Variants in YAP1 observed in about 807,000 individuals in gnomAD.
YAP1 encodes the protein transcriptional coactivator YAP1.
In YAP1, 5 loss-of-function variants were observed where a neutral mutation model predicts 56.9. That is an observed-to-expected ratio of 0.09 (90% confidence interval 0.05 to 0.18). YAP1 has a LOEUF of 0.18. Ranked by LOEUF, YAP1 falls within the 10% of genes least tolerant of loss-of-function variation. The probability of loss-of-function intolerance (pLI) is 1.00; values close to 1 mark genes in which losing one functional copy is unlikely to be tolerated. For synonymous variants in YAP1, 265 were observed against 248.1 expected (o/e 1.07, Z -0.64); for missense variants, 539 against 651.8 (o/e 0.83, Z 1.88).
intron 6 of YAP1, among the ~76,000 whole-genome samples, chr11:102,219,099 C>T (rs1949796141): frequency 6.6e-6 from 1 of 152,114 alleles, no homozygotes; most frequent in African/African-American, 2.4e-5. Context: ...AGGAGCATAC[C>T]TTCTTTGATA....
Position 102,205,919 on chromosome 11 carries a change from G to C in YAP1, c.829G>C (p.Ala277Pro). Residue 277 changes from alanine to proline, a missense_variant, in exon 5 of 9, where the codon GCT (alanine) becomes CCT (proline). Around this residue, in one of 4 missense-constraint regions of YAP1, gnomAD observed 414 missense variants for 512.4 expected, o/e 0.81. Transcript: ENST00000282441. The stretch of plus-strand genomic sequence containing the variant: ...CATGAACCAGAGAATCAGTCAGAGT[G>C]CTCCAGTGAAACAGCCACCACCCCT... ...FAMNQRISQS[A>P]PVKQPPPLAP... is the part of the protein sequence containing the mutation. 6.3e-7 allele frequency: 1 copy of C among 1,598,866 alleles called. No individual in the cohort carries two copies. Among genetic ancestry groups the C allele is most frequent in the Non-Finnish European group, 8.5e-7 (1 of 1,171,944 alleles).
chr11:102,208,679 G>A (rs867532360), intron 5 of YAP1, among the ~76,000 whole-genome samples: 1 of 151,978 alleles, frequency 6.6e-6, no homozygotes, highest in Non-Finnish European at 1.5e-5. Context: ...TATTTTCATT[G>A]TTTTTCATTT....
chr11:102,121,673 G>A (rs923695561), intron 2 of YAP1, among the ~76,000 whole-genome samples: 2 of 152,162 alleles, frequency 1.3e-5, no homozygotes, highest in Non-Finnish European at 2.9e-5. Context: ...AGGATATAGG[G>A]TTGGGTACTA....
chr11:102,225,089 T>C (rs1032951954), intron 7 of YAP1, among the ~76,000 whole-genome samples: 1 of 152,098 alleles, frequency 6.6e-6, no homozygotes, highest in African/African-American at 2.4e-5. Context: ...ATAATCAGTG[T>C]TACTAATCTA....
rs551942484 is a variant in YAP1 at position 102,220,540 on chromosome 11, A to G, written c.1033-3082A>G. Among the ~76,000 whole-genome samples, 4 of 152,268 alleles carry G rather than the reference A, an allele frequency of 2.6e-5. No homozygotes were observed. In the East Asian group the frequency reaches 7.7e-4, roughly 29 times the overall value. On this transcript the variant is annotated intron_variant, in intron 6 of 8. Coordinates refer to ENST00000282441, the MANE Select transcript of YAP1 (RefSeq NM_001130145.3). ...AAATTATATGTACATCAGGAATCTA[A>G]AAGGTGCTTATGCTGTTTTGAATGA...
chr11:102,141,052 C>T (rs911759782), intron 2 of YAP1, among the ~76,000 whole-genome samples: 2 of 152,148 alleles, frequency 1.3e-5, no homozygotes, highest in Non-Finnish European at 2.9e-5. Context: ...TTGTGCCTCA[C>T]CCCCATCTTT....
intron 2 of YAP1, among the ~76,000 whole-genome samples, chr11:102,139,596 A>C (rs1193764724): frequency 6.6e-6 from 1 of 152,168 alleles, no homozygotes; most frequent in African/African-American, 2.4e-5. Flanking sequence ...GGTGTTCGGG[A>C]GATTGTTCAG....
At chr11:102,190,453 A>C (rs930874128) in intron 4 of YAP1, among the ~76,000 whole-genome samples, 2 of 151,950 alleles carry the variant, frequency 1.3e-5, no homozygotes, top group Non-Finnish European at 2.9e-5. Context: ...CAACATAGTG[A>C]AACCCCATCT....
rs1217276964 is a variant in YAP1 at position 102,121,611 on chromosome 11, G to A, written c.572+7217G>A. Among the ~76,000 whole-genome samples the A allele has an allele frequency of 3.9e-5, 6 of 152,078 alleles. No individual in the cohort carries two copies. The East Asian group carries it at 9.7e-4, about 25-fold the overall frequency. ...TACCTCCCATGCCACCACCCCATTG[G>A]TCACTTAGTAGCCACCTCAGTTGTC... On this transcript the variant is annotated intron_variant, in intron 2 of 8. Coordinates refer to ENST00000282441, the MANE Select transcript of YAP1 (RefSeq NM_001130145.3).
At chr11:102,162,014 G>C (rs956142832) in intron 2 of YAP1, among the ~76,000 whole-genome samples, 4 of 152,148 alleles carry the variant, frequency 2.6e-5, no homozygotes, top group Admixed American at 2.6e-4. Context: ...GGGTTTTGTG[G>C]TGTTTTACCT....
At chr11:102,177,042 G>C (rs1488000159) in intron 3 of YAP1, among the ~76,000 whole-genome samples, 5 of 152,134 alleles carry the variant, frequency 3.3e-5, no homozygotes, top group Non-Finnish European at 7.4e-5. Context: ...AGAGTGGGAA[G>C]GGATGAGAGG....
intron 4 of YAP1, among the ~76,000 whole-genome samples, chr11:102,194,048 G>A (rs758775412): frequency 2.0e-5 from 3 of 151,880 alleles, no homozygotes; most frequent in Non-Finnish European, 2.9e-5. Context: ...CTCGTGATCC[G>A]CCCACCTCGG....
chr11:102,156,857 A>C (rs1267864161), intron 2 of YAP1, among the ~76,000 whole-genome samples: 1 of 152,212 alleles, frequency 6.6e-6, no homozygotes, highest in Non-Finnish European at 1.5e-5. Context: ...CTTAGGGAAT[A>C]ATCATTTCCC....
chr11:102,208,171 T>C (rs904780985), intron 5 of YAP1, among the ~76,000 whole-genome samples: 3 of 152,226 alleles, frequency 2.0e-5, no homozygotes, highest in Non-Finnish European at 2.9e-5. Flanking sequence ...AAGAGAATTA[T>C]TTACTAACCA....
chr11:102,180,681 CAAAAAAAAAA>C (rs58820066), intron 3 of YAP1, among the ~76,000 whole-genome samples: 1,202 of 42,624 alleles, frequency 0.028, 8 homozygotes, highest in Non-Finnish European at 0.046. Context: ...GACTCCATCT[CAAAAAAAAAA>C]AAAAAAAAAA....
intron 2 of YAP1, among the ~76,000 whole-genome samples, chr11:102,122,895 C>CAAAAAGAAAA (rs1943759087): frequency 2.5e-5 from 2 of 79,448 alleles, no homozygotes; most frequent in Non-Finnish European, 4.8e-5. Context: ...AGACTTCTCT[C>CAAAAAGAAAA]AAAAAAAAAA....
rs1395090279 is a variant in YAP1, at chr11:102,110,919, C to T, written c.71C>T (p.Pro24Leu). 7 of 1,439,542 alleles carry T rather than the reference C, an allele frequency of 4.9e-6. No homozygotes were observed. The African/African-American group carries it at 6.0e-5, about 12-fold the overall frequency. 89.2% of individuals were successfully genotyped at this position (1,439,542 alleles called of 1,614,324 possible). A position where few individuals can be genotyped will look rare whatever the true frequency, so the allele number is the denominator to read the frequency against. Reference protein sequence around the residue: ...QGQGQPPSQPPQGQGPPSGPG... With the variant: ...QGQGQPPSQPLQGQGPPSGPG... ...CAAGGGCAGCCGCCTTCGCAGCCCC[C>T]GCAGGGGCAGGGCCCGCCGTCCGGA... Residue 24 changes from proline (P) to leucine (L), a missense_variant, in exon 1 of 9, where the codon CCG becomes CTG. Pro to Leu is a moderately conservative substitution (Grantham distance 98). Coordinates refer to ENST00000282441, the MANE Select transcript of YAP1 (RefSeq NM_001130145.3).
intron 1 of YAP1, among the ~76,000 whole-genome samples, chr11:102,111,554 A>ATGCGCGCGCC (rs1565412858): frequency 6.8e-6 from 1 of 147,970 alleles, no homozygotes; most frequent in Non-Finnish European, 1.5e-5. Flanking sequence ...GGCTTGCACA[A>ATGCGCGCGCC]TGCGCGCGCC....
chr11:102,228,252 C>G (rs941550470), intron 8 of YAP1, among the ~76,000 whole-genome samples: 1 of 152,024 alleles, frequency 6.6e-6, no homozygotes, highest in Admixed American at 6.6e-5. Flanking sequence ...CATCTTTTCT[C>G]TAAGAGTTTT....
Sources: allele counts gnomAD v4.1 joint callset (sites outside exome capture counted in the v4.1 genomes callset), GRCh38; gene constraint gnomAD v4.1.1; regional missense constraint gnomAD v4.1.1; transcripts MANE v1.5; gene names NCBI Gene and HGNC (gene_info 2026-07-23, HGNC 2026-07-21).